TUSC3: variants seen among roughly 807,000 people sequenced by gnomAD.
TUSC3 encodes the protein tumor suppressor candidate 3.
In TUSC3, 45 loss-of-function variants were observed where a neutral mutation model predicts 44.8. The observed-to-expected ratio is 1.00, with a 90% CI of 0.79 to 1.29. The LOEUF is 1.29. TUSC3 is among the 50% of genes most tolerant of loss of function. The pLI, the probability that TUSC3 is intolerant of heterozygous loss-of-function variation, is 0.00. For synonymous variants in TUSC3, 212 were observed against 152.9 expected (o/e 1.39, Z -2.85); for missense variants, 519 against 437.9 (o/e 1.19, Z -1.65).
intron 2 of TUSC3, among the ~76,000 whole-genome samples, chr8:15,624,632 C>T (rs1805407829): frequency 6.6e-6 from 1 of 152,126 alleles, no homozygotes; most frequent in South Asian, 2.1e-4. Flanking sequence ...TGTTCATAGT[C>T]TTCTGCCCCT....
At chr8:15,568,343 A>C (rs969905171) in intron 1 of TUSC3, among the ~76,000 whole-genome samples, 2 of 152,058 alleles carry the variant, frequency 1.3e-5, no homozygotes, top group Non-Finnish European at 2.9e-5. Flanking sequence ...AATGTATAAA[A>C]ATTGTTGCCC....
intron 1 of TUSC3, among the ~76,000 whole-genome samples, chr8:15,615,564 G>T: frequency 6.6e-6 from 1 of 152,190 alleles, no homozygotes; most frequent in African/African-American, 2.4e-5. Flanking sequence ...AGTGTAGGGT[G>T]AATATAGTTT....
intron 1 of TUSC3, among the ~76,000 whole-genome samples, chr8:15,457,831 A>ATC: frequency 7.3e-6 from 1 of 136,832 alleles, no homozygotes; most frequent in Non-Finnish European, 1.6e-5. Context: ...TTAATTATTA[A>ATC]TAAATTAGAT....
At chr8:15,604,681 T>C (rs1230032434) in intron 1 of TUSC3, among the ~76,000 whole-genome samples, 1 of 151,846 alleles carries the variant, frequency 6.6e-6, no homozygotes, top group African/African-American at 2.4e-5. Flanking sequence ...CCTTTTGGTT[T>C]TCTATTTAGA....
the TUSC3 span, among the ~76,000 whole-genome samples, chr8:15,790,875 C>G: frequency 1.3e-5 from 2 of 152,134 alleles, no homozygotes; most frequent in East Asian, 1.9e-4. Context: ...GGGTTCGTAT[C>G]CTGAAGGAGC....
the TUSC3 span, among the ~76,000 whole-genome samples, chr8:15,776,512 A>C: frequency 6.6e-6 from 1 of 152,090 alleles, no homozygotes; most frequent in East Asian, 1.9e-4. Context: ...TCATCTGCCC[A>C]TGTCTGTCTA....
the TUSC3 span, among the ~76,000 whole-genome samples, chr8:15,842,648 G>C: frequency 6.6e-6 from 1 of 152,144 alleles, no homozygotes; most frequent in African/African-American, 2.4e-5. Flanking sequence ...GAACCTCAGA[G>C]CTTATGTAGG....
chr8:15,742,590 G>GTTGA (rs113509708), intron 7 of TUSC3, among the ~76,000 whole-genome samples: 5 of 152,234 alleles, frequency 3.3e-5, no homozygotes, highest in African/African-American at 1.2e-4. Flanking sequence ...TTGAGCTTTT[G>GTTGA]TTGATAGAGA....
intron 1 of TUSC3, among the ~76,000 whole-genome samples, chr8:15,607,514 A>G (rs1804581560): frequency 6.6e-6 from 1 of 152,162 alleles, no homozygotes; most frequent in South Asian, 2.1e-4. Flanking sequence ...ACCACCTACA[A>G]ACAATTGTCA....
At chr8:15,810,131 C>G in the TUSC3 span, among the ~76,000 whole-genome samples, 1 of 152,202 alleles carries the variant, frequency 6.6e-6, no homozygotes. Context: ...GAAGTATCAC[C>G]TGCAGACTTG....
the TUSC3 span, among the ~76,000 whole-genome samples, chr8:15,810,157 C>A: frequency 6.6e-6 from 1 of 152,124 alleles, no homozygotes; most frequent in Non-Finnish European, 1.5e-5. Context: ...AACGTAAATT[C>A]TCAGGTCCCA....
intron 2 of TUSC3, among the ~76,000 whole-genome samples, chr8:15,518,715 G>C (rs1170097338): frequency 1.3e-5 from 2 of 152,114 alleles, no homozygotes; most frequent in Non-Finnish European, 2.9e-5. Flanking sequence ...GCAGCTTACT[G>C]TCATTAATGG....
At chr8:15,604,216 C>A (rs941557344) in intron 1 of TUSC3, among the ~76,000 whole-genome samples, 1 of 151,262 alleles carries the variant, frequency 6.6e-6, no homozygotes, top group African/African-American at 2.4e-5. Context: ...TTTTATGTAC[C>A]TGTTTATGGG....
chr8:15,616,360 C>T (rs1470404829), intron 1 of TUSC3, among the ~76,000 whole-genome samples: 1 of 151,956 alleles, frequency 6.6e-6, no homozygotes, highest in African/African-American at 2.4e-5. Context: ...GGTGGATCAC[C>T]TGAGGTCAGG....
At chr8:15,517,692 T>C (rs1284906658) in intron 2 of TUSC3, among the ~76,000 whole-genome samples, 3 of 152,060 alleles carry the variant, frequency 2.0e-5, no homozygotes, top group Admixed American at 6.6e-5. Flanking sequence ...ACGAAACAAT[T>C]GCTAATCATC....
chr8:15,599,441 A>T (rs188382117), intron 1 of TUSC3, among the ~76,000 whole-genome samples: 43 of 151,884 alleles, frequency 2.8e-4, no homozygotes, highest in African/African-American at 1.0e-3. Context: ...AGTGAATTTT[A>T]ATGAAGTCTA....
chr8:15,461,743 AG>A (rs933703689), intron 1 of TUSC3, among the ~76,000 whole-genome samples: 23 of 151,256 alleles, frequency 1.5e-4, no homozygotes, highest in Admixed American at 2.6e-4. Context: ...TTAATCATAA[AG>A]GAAAAAAAAA....
chr8:15,600,612 A>G (rs1804245492), intron 1 of TUSC3, among the ~76,000 whole-genome samples: 1 of 151,630 alleles, frequency 6.6e-6, no homozygotes, highest in Non-Finnish European at 1.5e-5. Context: ...GAGATAGGGG[A>G]GAGGGATAAA....
At chr8:15,446,739 G>GGAGGGAGACAGGA (rs1800108883) in intron 1 of TUSC3, among the ~76,000 whole-genome samples, 1 of 115,836 alleles carries the variant, frequency 8.6e-6, no homozygotes, top group Non-Finnish European at 1.8e-5. Context: ...CAGGAGAGGG[G>GGAGGGAGACAGGA]GAGGGAGGGG....
Sources: allele counts gnomAD v4.1 joint callset (sites outside exome capture counted in the v4.1 genomes callset), GRCh38; gene constraint gnomAD v4.1.1; transcripts MANE v1.5; gene names NCBI Gene and HGNC (gene_info 2026-07-23, HGNC 2026-07-21).